The following BPIFB6 variants were observed in gnomAD, a reference collection of about 807,000 sequenced individuals.
The protein encoded by BPIFB6 is BPI fold containing family B member 6.
A neutral mutation model predicts 54.7 loss-of-function variants in BPIFB6; 47 were observed. The ratio of observed to expected loss-of-function variants is 0.86; its 90% CI spans 0.68 to 1.10. The LOEUF (loss-of-function observed/expected upper bound fraction) is 1.10, where lower values mean the gene tolerates loss of function less well. Among genes scored for constraint, BPIFB6 ranks in the 50% least tolerant of loss-of-function variants. The probability of loss-of-function intolerance (pLI) is 0.00; values close to 1 mark genes in which losing one functional copy is unlikely to be tolerated. For synonymous variants in BPIFB6, 255 were observed against 225.9 expected (o/e 1.13, Z -1.16); for missense variants, 603 against 564.1 (o/e 1.07, Z -0.70).
chr20:33,039,659 C>A, intron 10 of BPIFB6, 139 bp downstream of exon 10: 2 of 981,690 alleles, frequency 2.0e-6, no homozygotes, highest in Non-Finnish European at 1.4e-6. Flanking sequence ...CTTGGCTCTG[C>A]CACTGAACCT....
rs1182679141 is a variant in BPIFB6, at chr20:33,040,302, G to A, written c.1126G>A (p.Ala376Thr). The A allele has an allele frequency of 1.2e-6, 2 of 1,613,912 alleles. No homozygotes were observed. Among genetic ancestry groups the A allele is most frequent in the Non-Finnish European group, 1.7e-6 (2 of 1,179,976 alleles). Reference protein sequence around the residue: ...YSVHENQLQMATSLDRLLSLS... With the variant: ...YSVHENQLQMTTSLDRLLSLS... ...AGTGCATGAGAACCAGCTGCAGATG[G>A]CCACTTCTTTGGACAGGTACGACCC... The change falls in exon 11 of 15, where the codon GCC becomes ACC. Residue 376 changes from alanine (A) to threonine (T), a missense_variant. By Grantham distance (58) the Ala-to-Thr change is moderately conservative. Transcript: ENST00000349552.
chr20:33,042,864 T>A lies in BPIFB6; in HGVS notation c.1238T>A (p.Ile413Asn), dbSNP rs748209815. The change falls in exon 13 of 15, where the codon ATC becomes AAC. Residue 413 changes from isoleucine (I) to asparagine (N), a missense_variant. By Grantham distance (149) the Ile-to-Asn change is moderately radical. Transcript: ENST00000349552. ...FITSYLEEAY[I>N]PVVNDVLQVG... ...ACCAGCTATCTCGAAGAAGCCTACA[T>A]CCCAGTTGTCAATGGTGAGGGTTCC... 6.2e-7 allele frequency: 1 copy of A among 1,614,158 alleles called. No individual in the cohort carries two copies. Among genetic ancestry groups the A allele is most frequent in the Admixed American group, 1.7e-5 (1 of 60,022 alleles).
At chr20:33,043,671 T>G (rs1979687075) in intron 14 of BPIFB6, among the ~76,000 whole-genome samples, 1 of 152,240 alleles carries the variant, frequency 6.6e-6, no homozygotes, top group Non-Finnish European at 1.5e-5. Flanking sequence ...GAGCTGTTAT[T>G]ATGCTTCACT....
chr20:33,035,572 T>A (rs1568985689), intron 5 of BPIFB6, 40 bp from the exon 6 acceptor site: 2 of 1,602,402 alleles, frequency 1.2e-6, no homozygotes, highest in African/African-American at 1.3e-5. Flanking sequence ...AGGCTCTCCA[T>A]GCAGGGACCC....
Position 33,043,986 on chromosome 20 carries a change from T to G in BPIFB6, c.1330-29T>G, listed in dbSNP as rs1010425461. The G allele has an allele frequency of 3.0e-5, 48 of 1,613,964 alleles. 1 individual carries two copies. The highest frequency in any genetic ancestry group is 3.9e-5 in the Non-Finnish European group (46 of 1,179,948). The stretch of plus-strand genomic sequence containing the variant: ...CTGGGCCTAGGTGGTCCCTGGTCAT[T>G]GCTCTCCTACCCCTTTGCCTTTTGC... On this transcript the variant is annotated intron_variant, in intron 14 of 14. Coordinates refer to ENST00000349552, the MANE Select transcript of BPIFB6 (RefSeq NM_174897.2).
At chr20:33,043,888 G>A (rs941145634) in intron 14 of BPIFB6, 127 bp from the exon 15 acceptor site, 2 of 1,203,698 alleles carry the variant, frequency 1.7e-6, no homozygotes, top group African/African-American at 3.0e-5. Flanking sequence ...CACAAGGCAA[G>A]TCTACTTCAA....
In BPIFB6 at chr20:33,037,667, C is replaced by T; in HGVS notation, c.775C>T (p.Pro259Ser). The T allele has an allele frequency of 6.2e-7, 1 of 1,614,148 alleles. No homozygotes were observed. The highest frequency in any genetic ancestry group is 8.5e-7 in the Non-Finnish European group (1 of 1,180,042). The change falls in exon 8 of 15, where the codon CCA becomes TCA. Residue 259 changes from proline to serine, a missense_variant. Pro to Ser is a moderately conservative substitution (Grantham distance 74). Transcript: ENST00000349552. ...YAKGSSQLLL[P>S]ATFLSAELAL... is the part of the protein sequence containing the mutation. ...CAAAGGCTCGTCGCAGCTGCTGCTC[C>T]CAGCCACCTTCCTCTCTGCAGAGCT...
chr20:33,042,908 G>A (rs1261363076), intron 13 of BPIFB6, 30 bp downstream of exon 13: 1 of 1,605,464 alleles, frequency 6.2e-7, no homozygotes, highest in South Asian at 1.1e-5. Flanking sequence ...TTGGACCATG[G>A]TGCCAAGAAG....
rs201586738 is a variant in BPIFB6, at chr20:33,032,976, C to T, written c.98-8C>T. 6.2e-6 allele frequency: 10 copies of T among 1,610,892 alleles called. No homozygotes were observed. The highest frequency in any genetic ancestry group is 7.6e-6 in the Non-Finnish European group (9 of 1,177,312). On this transcript the variant is annotated splice_region_variant and splice_polypyrimidine_tract_variant and intron_variant, in intron 1 of 14. Transcript: ENST00000349552. The stretch of plus-strand genomic sequence containing the variant: ...GAAAATCTCTCCAACTAAGTGTCTC[C>T]ACTCCAGAGGTCCAGAGCGCCATGG...
downstream of BPIFB6, chr20:33,044,066 G>T (rs774553565): frequency 6.2e-7 from 1 of 1,614,064 alleles, no homozygotes; most frequent in Non-Finnish European, 8.5e-7. Flanking sequence ...GGACTCCCCT[G>T]CCAGCTGCCT....
chr20:33,043,238 C>T, intron 13 of BPIFB6, 53 bp from the exon 14 acceptor site: 4 of 1,536,386 alleles, frequency 2.6e-6, no homozygotes, highest in Non-Finnish European at 2.7e-6. Context: ...GCTGCCACTC[C>T]TTAATCAACT....
At chr20:33,040,366 G>A in intron 11 of BPIFB6, 48 bp downstream of exon 11, 1 of 1,579,990 alleles carries the variant, frequency 6.3e-7, no homozygotes, top group Non-Finnish European at 8.7e-7. Context: ...CTTCACATTT[G>A]GCCTTCTGAT....
At chr20:33,041,866 G>A (rs1979600429) in intron 11 of BPIFB6, 104 bp from the exon 12 acceptor site, 1 of 1,003,250 alleles carries the variant, frequency 1.0e-6, no homozygotes, top group African/African-American at 1.6e-5. Context: ...TCCTGCATCA[G>A]GGAGGCGTTG....
Position 33,038,977 on chromosome 20 carries a change from T to TC in BPIFB6, c.900+19dup. On this transcript the variant is annotated intron_variant, in intron 9 of 14. Transcript: ENST00000349552. ...TCATTCCTGAAGTGAGTGCCCCACC[T>TC]CCCCATCACCACTGCACCCTGTCCT... 6.2e-7 allele frequency: 1 copy of TC among 1,613,506 alleles called. No individual in the cohort carries two copies.
intron 3 of BPIFB6, among the ~76,000 whole-genome samples, 193 bp downstream of exon 3, chr20:33,034,483 G>C (rs1979243559): frequency 6.6e-6 from 1 of 152,236 alleles, no homozygotes; most frequent in Non-Finnish European, 1.5e-5. Flanking sequence ...TAGGACAGAG[G>C]AAGCATTGAA....
rs756063781 is a variant in BPIFB6 at position 33,038,973 on chromosome 20, C to T, written c.900+11C>T. 3 of 1,613,916 alleles carry T rather than the reference C, an allele frequency of 1.9e-6. No individual in the cohort carries two copies. The East Asian group carries it at 6.7e-5, about 36-fold the overall frequency. On this transcript the variant is annotated intron_variant, in intron 9 of 14. Coordinates refer to ENST00000349552, the MANE Select transcript of BPIFB6 (RefSeq NM_174897.2). ...CGCTTCATTCCTGAAGTGAGTGCCC[C>T]ACCTCCCCATCACCACTGCACCCTG...
chr20:33,041,622 GT>G (rs1045526750), intron 11 of BPIFB6, among the ~76,000 whole-genome samples: 4 of 152,152 alleles, frequency 2.6e-5, no homozygotes. Context: ...AAGGGCTCCT[GT>G]TCTGTGTCCT....
chr20:33,038,734 T>A (rs540173925), intron 8 of BPIFB6, among the ~76,000 whole-genome samples, 175 bp from the exon 9 acceptor site: 2 of 152,356 alleles, frequency 1.3e-5, no homozygotes, highest in South Asian at 2.1e-4. Flanking sequence ...AGCATTGAAA[T>A]GTGTAAGTCA....
intron 10 of BPIFB6, 72 bp from the exon 11 acceptor site, chr20:33,040,179 G>A (rs1979518365): frequency 3.0e-6 from 4 of 1,354,400 alleles, no homozygotes; most frequent in Middle Eastern, 1.8e-4. Flanking sequence ...GGAGGGTGGT[G>A]GTCTCTGGCT....
Sources: gnomAD v4.1 joint callset for allele counts (sites outside exome capture counted in the v4.1 genomes callset) on GRCh38, gnomAD v4.1.1 for gene constraint, MANE v1.5 for transcripts, NCBI Gene and HGNC (gene_info 2026-07-23, HGNC 2026-07-21) for gene names.